CYFIP1: variants seen among roughly 807,000 people sequenced by gnomAD.
The protein encoded by CYFIP1 is cytoplasmic FMR1 interacting protein 1, also known as cytoplasmic FMR1-interacting protein 1.
Under a neutral mutation model 163.5 loss-of-function variants are expected in CYFIP1, and 58 were observed. That is an observed-to-expected ratio of 0.35 (90% CI 0.29 to 0.44). The LOEUF (loss-of-function observed/expected upper bound fraction) is 0.44. Ranked by LOEUF, CYFIP1 falls within the 20% of genes least tolerant of loss-of-function variation. The pLI is 1.00. For synonymous variants in CYFIP1, 663 were observed against 660.7 expected, an observed-to-expected ratio of 1.00 and a Z score of -0.05; for missense variants, 1,338 against 1,653.8, an observed-to-expected ratio of 0.81 and a Z score of 3.31.
chr15:22,929,779 C>G (rs1347507881), intron 11 of CYFIP1, among the ~76,000 whole-genome samples: 1 of 143,334 alleles, frequency 7.0e-6, no homozygotes, highest in Non-Finnish European at 1.5e-5. Flanking sequence ...ACTAAAAATA[C>G]AAAAAAATTA....
chr15:22,932,080 T>G (rs2061556672), intron 11 of CYFIP1, 143 bp downstream of exon 11: 2 of 617,224 alleles, frequency 3.2e-6, no homozygotes, highest in Non-Finnish European at 5.6e-6. Flanking sequence ...GACACATTTG[T>G]CAGAACCTGT....
intron 1 of CYFIP1, among the ~76,000 whole-genome samples, chr15:22,966,215 G>A (rs1370912854): frequency 2.6e-5 from 4 of 151,750 alleles, no homozygotes; most frequent in African/African-American, 4.8e-5. Flanking sequence ...TTAGCCAGGC[G>A]TGGTGGCGTG....
intron 20 of CYFIP1, 81 bp from the exon 21 acceptor site, chr15:22,909,394 G>A: frequency 1.3e-6 from 2 of 1,565,078 alleles, no homozygotes; most frequent in Admixed American, 1.7e-5. Context: ...CAGAGACCCT[G>A]GAGAAGCTGG....
rs573482341 is a variant in CYFIP1 at position 22,919,333 on chromosome 15, G to C, written c.1360-475C>G. On this transcript the variant is annotated intron_variant, in intron 13 of 30. Transcript: ENST00000617928. ...ACAAAGAGCTTCCAAAGGAATTCCT[G>C]GGACAGAAAAATGGTGCCAGGGCTC... 3.2e-4 allele frequency among the ~76,000 whole-genome samples: 48 copies of C among 152,300 alleles called. 3 individuals carry two copies. In the South Asian group the frequency reaches 8.7e-3, roughly 28 times the overall value.
intron 1 of CYFIP1, among the ~76,000 whole-genome samples, chr15:22,956,776 C>T: frequency 6.6e-6 from 1 of 152,326 alleles, no homozygotes; most frequent in East Asian, 1.9e-4. Context: ...CCCAGGCTCC[C>T]AAGATGCCAG....
chr15:22,877,016 G>C (rs1595493550), intron 26 of CYFIP1, among the ~76,000 whole-genome samples: 1 of 152,126 alleles, frequency 6.6e-6, no homozygotes, highest in East Asian at 1.9e-4. Flanking sequence ...CCAATGACCA[G>C]ACAGGCATCC....
chr15:22,907,345 G>A (rs375279170), intron 21 of CYFIP1, among the ~76,000 whole-genome samples: 2 of 152,060 alleles, frequency 1.3e-5, no homozygotes, highest in Non-Finnish European at 2.9e-5. Context: ...GGGTGCCAGC[G>A]TTGGCACAGG....
chr15:22,946,345 T>C (rs1220006334), intron 3 of CYFIP1, among the ~76,000 whole-genome samples: 1 of 151,168 alleles, frequency 6.6e-6, no homozygotes, highest in African/African-American at 2.4e-5. Flanking sequence ...ATGAGACCAT[T>C]AAAATGCAGA....
chr15:22,873,238 T>G (rs942642816), intron 29 of CYFIP1, among the ~76,000 whole-genome samples: 3 of 152,146 alleles, frequency 2.0e-5, no homozygotes, highest in Non-Finnish European at 4.4e-5. Context: ...TCTATGGACC[T>G]CCCACCTAGA....
In CYFIP1 at chr15:22,943,236, G is replaced by C; in HGVS notation, c.506C>G (p.Ala169Gly). 1 of 1,614,248 alleles carries C rather than the reference G, an allele frequency of 6.2e-7. No individual in the cohort carries two copies. Among genetic ancestry groups the C allele is most frequent in the Non-Finnish European group, 8.5e-7 (1 of 1,180,042 alleles). Reference sequence around the variant, plus strand: ...CATGTTCTTCAGCTCGTCCAGCACAGCGAACATGTTGATGAATTTGCCCAG... The same window carrying C: ...CATGTTCTTCAGCTCGTCCAGCACACCGAACATGTTGATGAATTTGCCCAG... ...ITLGKFINMF[A>G]VLDELKNMKC... Residue 169 changes from alanine to glycine, a missense_variant, in exon 6 of 31, where the codon GCT becomes GGT. Physicochemically the swap from Ala to Gly is moderately conservative, Grantham distance 60. Coordinates refer to ENST00000617928, the MANE Select transcript of CYFIP1 (RefSeq NM_014608.6).
At chr15:22,952,354 A>G (rs963280028) in intron 1 of CYFIP1, among the ~76,000 whole-genome samples, 2 of 152,032 alleles carry the variant, frequency 1.3e-5, no homozygotes, top group Non-Finnish European at 2.9e-5. Flanking sequence ...TGAGCTGTAC[A>G]CTTAAAATGG....
chr15:22,923,942 CAAAAAAAAAAAAAA>C (rs916058496), intron 13 of CYFIP1, among the ~76,000 whole-genome samples: 2 of 61,816 alleles, frequency 3.2e-5, no homozygotes, highest in South Asian at 7.8e-4. Flanking sequence ...ACCTTGTCTC[CAAAAAAAAAAAAAA>C]AAAAAAAAAC....
chr15:22,909,261 G>A lies in CYFIP1; in HGVS notation c.2321C>T (p.Ala774Val). ...CAGTTCTAGGGACTTATACATGGCTGCTGAGACGCGCTGGGTGATCAGACG... is the reference window on the plus strand; with the variant it reads ...CAGTTCTAGGGACTTATACATGGCTACTGAGACGCGCTGGGTGATCAGACG... ...LNRLITQRVS[A>V]AMYKSLELAI... The change falls in exon 21 of 31, where the codon GCA becomes GTA. Residue 774 changes from alanine (A) to valine (V), a missense_variant. By Grantham distance (64) the Ala-to-Val change is moderately conservative (BLOSUM62 0). This residue lies in a region of CYFIP1 where 824 missense variants were observed against 995.7 expected (regional missense o/e 0.83). Transcript: ENST00000617928. 6.2e-7 allele frequency: 1 copy of A among 1,614,158 alleles called. No individual in the cohort carries two copies. The highest frequency in any genetic ancestry group is 8.5e-7 in the Non-Finnish European group (1 of 1,180,008).
chr15:22,893,242 G>A (rs2060128735), intron 22 of CYFIP1, among the ~76,000 whole-genome samples: 1 of 152,180 alleles, frequency 6.6e-6, no homozygotes, highest in Admixed American at 6.5e-5. Flanking sequence ...CGAGCCCAAC[G>A]CAATCCTCAG....
At chr15:22,925,185 C>T (rs1343463275) in intron 13 of CYFIP1, among the ~76,000 whole-genome samples, 2 of 152,134 alleles carry the variant, frequency 1.3e-5, no homozygotes, top group African/African-American at 4.8e-5. Context: ...TGTTCATATC[C>T]TGATTAAAAT....
chr15:22,886,204 C>T (rs951557949), intron 23 of CYFIP1, among the ~76,000 whole-genome samples: 3 of 152,148 alleles, frequency 2.0e-5, no homozygotes, highest in Non-Finnish European at 2.9e-5. Context: ...CCCACCAGGT[C>T]CCTCCCTTGA....
intron 17 of CYFIP1, among the ~76,000 whole-genome samples, chr15:22,913,623 A>AAG: frequency 6.7e-6 from 1 of 149,836 alleles, no homozygotes; most frequent in East Asian, 2.0e-4. Flanking sequence ...AAAAAAAAAA[A>AAG]AAAAGAACAA....
chr15:22,957,614 C>T (rs762737743), intron 1 of CYFIP1, among the ~76,000 whole-genome samples: 112 of 152,118 alleles, frequency 7.4e-4, no homozygotes, highest in Non-Finnish European at 1.3e-3. Context: ...CCAGCCTGGG[C>T]GACAGAGCAA....
chr15:22,978,228 T>A (rs1041509307), intron 1 of CYFIP1, among the ~76,000 whole-genome samples: 31 of 151,732 alleles, frequency 2.0e-4, no homozygotes, highest in African/African-American at 7.5e-4. Flanking sequence ...GGTGCGTGCC[T>A]GTAATCCCAG....
Sources: allele counts gnomAD v4.1 joint callset (sites outside exome capture counted in the v4.1 genomes callset), GRCh38; gene constraint gnomAD v4.1.1; regional missense constraint gnomAD v4.1.1; transcripts MANE v1.5; gene names NCBI Gene and HGNC (gene_info 2026-07-23, HGNC 2026-07-21).